CTNNA2: variants seen among roughly 807,000 people sequenced by gnomAD.
The protein encoded by CTNNA2 is catenin alpha-2.
A neutral mutation model predicts 101.0 loss-of-function variants in CTNNA2; 42 were observed. That is an observed-to-expected ratio of 0.42 (90% CI 0.32 to 0.54). CTNNA2 has a LOEUF of 0.54. Among genes scored for constraint, CTNNA2 ranks in the 20% least tolerant of loss-of-function variants. The probability of loss-of-function intolerance (pLI) is 0.14; values close to 1 mark genes in which losing one functional copy is unlikely to be tolerated. For synonymous variants in CTNNA2, 450 were observed against 456.4 expected, an observed-to-expected ratio of 0.99 and a Z score of 0.18; for missense variants, 871 against 1,223.1, an observed-to-expected ratio of 0.71 and a Z score of 4.29.
intron 7 of CTNNA2, chr2:80,313,449 A>G (rs1677796537): frequency 2.0e-6 from 3 of 1,502,250 alleles, no homozygotes; most frequent in Non-Finnish European, 2.7e-6. Flanking sequence ...ATGATGAGTA[A>G]CAAACCAATA....
intron 2 of CTNNA2, among the ~76,000 whole-genome samples, chr2:79,688,909 C>T (rs1573685704): frequency 6.6e-6 from 1 of 152,012 alleles, no homozygotes; most frequent in East Asian, 1.9e-4. Flanking sequence ...AGTCACAGCA[C>T]ATAGCATGGT....
intron 7 of CTNNA2, among the ~76,000 whole-genome samples, chr2:79,989,429 C>T (rs997101701): frequency 6.6e-5 from 10 of 152,108 alleles, no homozygotes; most frequent in Non-Finnish European, 1.2e-4. Flanking sequence ...TCAAAACCAG[C>T]CTGAGCAACA....
intron 9 of CTNNA2, among the ~76,000 whole-genome samples, chr2:80,474,133 T>G (rs1014258767): frequency 1.1e-4 from 16 of 152,238 alleles, no homozygotes; most frequent in Non-Finnish European, 1.9e-4. Context: ...GGTAGAGACC[T>G]ATTTTTAAAA....
chr2:80,476,993 A>C (rs1685779507), intron 9 of CTNNA2, among the ~76,000 whole-genome samples: 1 of 152,214 alleles, frequency 6.6e-6, no homozygotes, highest in Non-Finnish European at 1.5e-5. Flanking sequence ...TGCATTTCTC[A>C]TGCATAACAG....
intron 8 of CTNNA2, among the ~76,000 whole-genome samples, chr2:80,419,209 G>T (rs137887247): frequency 6.6e-6 from 1 of 152,188 alleles, no homozygotes; most frequent in Admixed American, 6.5e-5. Flanking sequence ...AGGACCCATA[G>T]TGTGTATTGA....
At chr2:79,536,686 T>TTTTTCTTTTCTTTTCTTTTCTTTTC (rs70940037) in intron 1 of CTNNA2, among the ~76,000 whole-genome samples, 63 of 140,030 alleles carry the variant, frequency 4.5e-4, no homozygotes, top group African/African-American at 4.1e-4. Context: ...ATGGATTTTT[T>TTTTTCTTTTCTTTTCTTTTCTTTTC]TTTTCTTTTC....
intron 7 of CTNNA2, among the ~76,000 whole-genome samples, chr2:80,258,976 G>T (rs551004484): frequency 1.3e-5 from 2 of 152,244 alleles, no homozygotes; most frequent in East Asian, 1.9e-4. Context: ...TTAAAAAGGA[G>T]AAGTGCTTTG....
At chr2:79,303,081 A>G (rs1676150828) in intron 2 of CTNNA2, among the ~76,000 whole-genome samples, 2 of 152,170 alleles carry the variant, frequency 1.3e-5, no homozygotes, top group African/African-American at 4.8e-5. Flanking sequence ...TGCAGGAGAC[A>G]GGCATTGTTG....
At chr2:79,337,511 C>T (rs1484343322) in intron 3 of CTNNA2, among the ~76,000 whole-genome samples, 2 of 152,114 alleles carry the variant, frequency 1.3e-5, no homozygotes, top group African/African-American at 4.8e-5. Context: ...TATGCCAAAC[C>T]TCAGCAATTT....
chr2:80,163,611 G>T (rs113544031), intron 7 of CTNNA2, among the ~76,000 whole-genome samples: 24 of 152,132 alleles, frequency 1.6e-4, no homozygotes, highest in African/African-American at 5.5e-4. Context: ...ACAAGTGTTG[G>T]CTATATCCTA....
chr2:79,704,051 A>T (rs1229785408), intron 2 of CTNNA2, among the ~76,000 whole-genome samples: 1 of 152,162 alleles, frequency 6.6e-6, no homozygotes, highest in East Asian at 1.9e-4. Flanking sequence ...TAAATATATG[A>T]CATGTTTATG....
chr2:79,918,407 C>G (rs551098756), intron 7 of CTNNA2, among the ~76,000 whole-genome samples: 10 of 152,086 alleles, frequency 6.6e-5, no homozygotes, highest in Non-Finnish European at 1.3e-4. Flanking sequence ...AAGAACAAAG[C>G]CTGATGACCC....
intron 4 of CTNNA2, among the ~76,000 whole-genome samples, chr2:79,409,417 G>A (rs1678381285): frequency 6.6e-6 from 1 of 152,102 alleles, no homozygotes; most frequent in South Asian, 2.1e-4. Context: ...TTTTTCTAGG[G>A]TTTTTATGGT....
Position 79,692,210 on chromosome 2 carries a change from G to C in CTNNA2, c.102+40552G>C, listed in dbSNP as rs146187685. On this transcript the variant is annotated intron_variant, in intron 2 of 18. Transcript: ENST00000402739. ...GAACCACATCAAAAAGTGGGTGAAG[G>C]ATATGAACAGATCCTTCTCAAAGGA... Among the ~76,000 whole-genome samples, 1,096 of 152,154 alleles carry C rather than the reference G, an allele frequency of 7.2e-3. 41 individuals carry two copies. The East Asian group carries it at 0.099, about 14-fold the overall frequency.
intron 4 of CTNNA2, among the ~76,000 whole-genome samples, chr2:79,447,130 G>T (rs1402277207): frequency 6.6e-6 from 1 of 151,964 alleles, no homozygotes; most frequent in African/African-American, 2.4e-5. Context: ...GGAGCCCCGG[G>T]TGTGTGTCCT....
chr2:79,369,933 G>C (rs1677833699), intron 3 of CTNNA2, among the ~76,000 whole-genome samples: 2 of 152,156 alleles, frequency 1.3e-5, no homozygotes, highest in South Asian at 4.1e-4. Context: ...TTGTGTGTTT[G>C]CATATTATCT....
chr2:79,473,686 T>G (rs1392421080), intron 4 of CTNNA2, among the ~76,000 whole-genome samples: 5 of 152,234 alleles, frequency 3.3e-5, no homozygotes, highest in Admixed American at 3.3e-4. Flanking sequence ...AAAGAAAAAG[T>G]CTTTTTCAGA....
chr2:80,124,763 C>T (rs1432225876), intron 7 of CTNNA2, among the ~76,000 whole-genome samples: 4 of 152,132 alleles, frequency 2.6e-5, no homozygotes, highest in Non-Finnish European at 4.4e-5. Context: ...GTTACCCCTC[C>T]CCTTCCTCTT....
intron 7 of CTNNA2, among the ~76,000 whole-genome samples, chr2:80,043,003 T>G (rs927236626): frequency 6.6e-6 from 1 of 151,076 alleles, no homozygotes; most frequent in Non-Finnish European, 1.5e-5. Context: ...TTCCTTCCTT[T>G]CCTTCCTTTC....
Sources: gnomAD v4.1 joint callset for allele counts (sites outside exome capture counted in the v4.1 genomes callset) on GRCh38, gnomAD v4.1.1 for gene constraint, MANE v1.5 for transcripts, NCBI Gene and HGNC (gene_info 2026-07-23, HGNC 2026-07-21) for gene names.